BCAR1: variants seen among roughly 807,000 people sequenced by gnomAD.
BCAR1 encodes breast cancer anti-estrogen resistance protein 1.
Under a neutral mutation model 67.6 loss-of-function variants are expected in BCAR1, and 30 were observed. The observed-to-expected ratio is 0.44, with a 90% confidence interval of 0.33 to 0.60. BCAR1 has a LOEUF of 0.60. Among genes scored for constraint, BCAR1 ranks in the 20% least tolerant of loss-of-function variants. BCAR1 has a pLI of 0.02. For synonymous variants in BCAR1, 626 were observed against 556.7 expected, an observed-to-expected ratio of 1.12 and a Z score of -1.75; for missense variants, 1,313 against 1,222.3, an observed-to-expected ratio of 1.07 and a Z score of -1.11.
chr16:75,252,168 G>A, upstream of BCAR1: 4 of 1,532,462 alleles, frequency 2.6e-6, no homozygotes, highest in Non-Finnish European at 3.5e-6. Context: ...AGGACCCCAG[G>A]AAATGAAGCC....
At chr16:75,250,940 G>C (rs2077662197) in intron 1 of BCAR1, 1 of 985,302 alleles carries the variant, frequency 1.0e-6, no homozygotes, top group Admixed American at 6.1e-5. Context: ...CGGCCGGAGT[G>C]AATCATTAAC....
intron 1 of BCAR1, chr16:75,266,393 C>T (rs1281036253): frequency 9.8e-6 from 2 of 205,008 alleles, no homozygotes; most frequent in Non-Finnish European, 1.9e-5. Context: ...AACAGTCTAG[C>T]TCATCCTGGG....
rs781375482 is a variant in BCAR1 at position 75,229,729 on chromosome 16, G to C, written c.2395C>G (p.Leu799Val). 4 of 1,613,298 alleles carry C rather than the reference G, an allele frequency of 2.5e-6. No homozygotes were observed. In the East Asian group the frequency reaches 6.7e-5, roughly 27 times the overall value. ...TCAGCAGCCTTGGCCTGCCGTGACAGTGTGTCCCCGATGAACACCAGCTTG... is the reference window on the plus strand; with the variant it reads ...TCAGCAGCCTTGGCCTGCCGTGACACTGTGTCCCCGATGAACACCAGCTTG... Reference protein sequence around the residue: ...AHKLVFIGDTLSRQAKAADVR... With the variant: ...AHKLVFIGDTVSRQAKAADVR... The change falls in exon 7 of 7, where the codon CTG becomes GTG. Residue 799 changes from leucine (L) to valine (V), a missense_variant. By Grantham distance (32) the Leu-to-Val change is conservative. Around this residue, in one of 2 missense-constraint regions of BCAR1, gnomAD observed 1,272 missense variants for 1,137.5 expected, o/e 1.12. Coordinates refer to ENST00000162330, the MANE Select transcript of BCAR1 (RefSeq NM_014567.5).
At position 75,229,927 on chromosome 16, in the gene BCAR1, T is replaced by C; in HGVS notation, c.2197A>G (p.Thr733Ala). 6.2e-7 allele frequency: 1 copy of C among 1,606,888 alleles called. No individual in the cohort carries two copies. The highest frequency in any genetic ancestry group is 8.5e-7 in the Non-Finnish European group (1 of 1,175,010). Residue 733 changes from threonine to alanine, a missense_variant, in exon 7 of 7, where the codon ACA becomes GCA. Transcript: ENST00000162330. ...CGGTCCGAGGGCCCCAGGCCGCCTG[T>C]TCGCCCCGGGGCCAGGGGTTGGGCT... ...TPAQPLAPGRTGGLGPSDRQL... is the reference protein window; with the variant it reads ...TPAQPLAPGRAGGLGPSDRQL...
chr16:75,260,812 C>T (rs1597285393), intron 1 of BCAR1, among the ~76,000 whole-genome samples: 1 of 152,318 alleles, frequency 6.6e-6, no homozygotes. Flanking sequence ...CACCATGCTA[C>T]TCTTTTTGCC....
At chr16:75,262,134 C>CTTTCAGCCTCAAG (rs1415495718) in intron 1 of BCAR1, among the ~76,000 whole-genome samples, 4 of 152,260 alleles carry the variant, frequency 2.6e-5, no homozygotes, top group Admixed American at 1.3e-4. Flanking sequence ...CTCCCCACCC[C>CTTTCAGCCTCAAG]GCAGCAGCCT....
rs1312805278 is a variant in BCAR1, at chr16:75,236,780, C to T, written c.912+102G>A. 1.9e-5 allele frequency: 28 copies of T among 1,454,962 alleles called. No individual in the cohort carries two copies. The Admixed American group carries it at 4.7e-4, about 24-fold the overall frequency. 90.1% of individuals were successfully genotyped at this position (1,454,962 alleles called of 1,614,324 possible). A position where few individuals can be genotyped will look rare whatever the true frequency, so the allele number is the denominator to read the frequency against. ...GGTCTGGAGCCAGTCTCTTCCTGCCCGCCACCCCCAGCCCTGCAGACACTG... is the reference window on the plus strand; with the variant it reads ...GGTCTGGAGCCAGTCTCTTCCTGCCTGCCACCCCCAGCCCTGCAGACACTG... On this transcript the variant is annotated intron_variant, in intron 4 of 6. Transcript: ENST00000162330.
At chr16:75,266,817 G>C (rs1201928002) in intron 1 of BCAR1, 2 of 1,356,780 alleles carry the variant, frequency 1.5e-6, no homozygotes, top group Admixed American at 2.6e-5. Flanking sequence ...GCACTGTCCC[G>C]GAGGTCAGCG....
upstream of BCAR1, chr16:75,251,680 C>T (rs2077684690): frequency 1.0e-6 from 1 of 994,926 alleles, no homozygotes; most frequent in Admixed American, 6.0e-5. Flanking sequence ...CCCAGCATGC[C>T]CGGCCGCGCG....
At chr16:75,264,730 C>T (rs139403889) in intron 1 of BCAR1, 14 of 1,089,140 alleles carry the variant, frequency 1.3e-5, no homozygotes, top group Non-Finnish European at 1.6e-5. Context: ...AATGAAGAGG[C>T]CACTTGCCAG....
chr16:75,252,152 C>G (rs1053606454), upstream of BCAR1: 43 of 1,517,742 alleles, frequency 2.8e-5, no homozygotes, highest in Non-Finnish European at 3.8e-5. Flanking sequence ...ACGGTCCCAC[C>G]GTGTAAGGAC....
At chr16:75,238,461 C>T in intron 2 of BCAR1, 18 of 1,020,010 alleles carry the variant, frequency 1.8e-5, no homozygotes, top group Non-Finnish European at 2.1e-5. Flanking sequence ...GGGCCCAGTG[C>T]CCCTGAACCC....
At chr16:75,238,509 G>T in intron 2 of BCAR1, 2 of 994,948 alleles carry the variant, frequency 2.0e-6, no homozygotes, top group Non-Finnish European at 1.2e-6. Context: ...AGCCAGCCCT[G>T]CTTGCTGAGG....
At chr16:75,257,309 C>A (rs2077801030) in intron 1 of BCAR1, among the ~76,000 whole-genome samples, 1 of 152,280 alleles carries the variant, frequency 6.6e-6, no homozygotes, top group South Asian at 2.1e-4. Flanking sequence ...GGGGCCCACA[C>A]TCACAGATAC....
intron 5 of BCAR1, 62 bp downstream of exon 5, chr16:75,234,827 C>T (rs931819849): frequency 5.1e-5 from 77 of 1,508,602 alleles, no homozygotes; most frequent in Non-Finnish European, 6.5e-5. Flanking sequence ...AACAAATCTC[C>T]CCCTAAGCAC....
intron 4 of BCAR1, chr16:75,236,657 C>T: frequency 2.4e-6 from 2 of 834,478 alleles, no homozygotes; most frequent in Non-Finnish European, 3.4e-6. Context: ...CTCTCAGGAG[C>T]TCATGGAGAA....
chr16:75,230,798 C>T (rs1457560309), intron 6 of BCAR1, among the ~76,000 whole-genome samples: 1 of 152,226 alleles, frequency 6.6e-6, no homozygotes, highest in Non-Finnish European at 1.5e-5. Flanking sequence ...CTTAGAACCT[C>T]GCACTGTCCC....
intron 2 of BCAR1, chr16:75,239,040 G>C (rs945751492): frequency 1.0e-6 from 1 of 985,320 alleles, no homozygotes; most frequent in African/African-American, 1.7e-5. Context: ...TGCCTCCCCA[G>C]GCAAATGGCC....
chr16:75,234,036 G>T, intron 5 of BCAR1, 101 bp from the exon 6 acceptor site: 1 of 1,101,180 alleles, frequency 9.1e-7, no homozygotes, highest in Non-Finnish European at 1.3e-6. Flanking sequence ...CCACCAGGTG[G>T]TGCTGCGTGT....
Sources: gnomAD v4.1 joint callset for allele counts (sites outside exome capture counted in the v4.1 genomes callset) on GRCh38, gnomAD v4.1.1 for gene constraint, gnomAD v4.1.1 regional missense constraint, MANE v1.5 for transcripts, NCBI Gene and HGNC (gene_info 2026-07-23, HGNC 2026-07-21) for gene names.